MFHAS1: variants seen among roughly 807,000 people sequenced by gnomAD.
The protein encoded by MFHAS1 is multifunctional ROCO family signaling regulator 1, also known as malignant fibrous histiocytoma-amplified sequence 1.
A neutral mutation model predicts 70.4 loss-of-function variants in MFHAS1; 50 were observed. The ratio of observed to expected loss-of-function variants is 0.71; its 90% CI spans 0.57 to 0.90. The LOEUF is 0.90. Among genes scored for constraint, MFHAS1 ranks in the 40% least tolerant of loss-of-function variants. The pLI is 0.00. For missense variants in MFHAS1, 1,795 were observed against 1,347.6 expected (o/e 1.33, Z -5.20); for synonymous variants, 952 against 620.0 (o/e 1.54, Z -7.96).
In MFHAS1 at chr8:8,785,991, T is replaced by C. The variant is rs779757043; in HGVS notation, c.*31A>G. The C allele has an allele frequency of 1.9e-6, 3 of 1,613,216 alleles. No individual in the cohort carries two copies. Among genetic ancestry groups the C allele is most frequent in the East Asian group, 4.5e-5 (2 of 44,888 alleles). ...TGGTCCAGGTGTTCAGATGCTCTCT[T>C]TTCTCCATGGAAATTCCACAGCCAC... On this transcript the variant is annotated 3_prime_UTR_variant, in exon 3 of 3. Coordinates refer to ENST00000276282, the MANE Select transcript of MFHAS1 (RefSeq NM_004225.3).
intron 1 of MFHAS1, among the ~76,000 whole-genome samples, chr8:8,879,650 C>G (rs1454246365): frequency 1.3e-5 from 2 of 152,128 alleles, no homozygotes; most frequent in Non-Finnish European, 2.9e-5. Flanking sequence ...AGGGTTCCCC[C>G]CAAAGTAACA....
intron 1 of MFHAS1, among the ~76,000 whole-genome samples, chr8:8,839,476 G>A (rs766402309): frequency 6.6e-6 from 1 of 152,152 alleles, no homozygotes; most frequent in Non-Finnish European, 1.5e-5. Context: ...CACTAGGCTG[G>A]AAATGAGATA....
At chr8:8,883,433 C>A (rs896798606) in intron 1 of MFHAS1, among the ~76,000 whole-genome samples, 1 of 149,034 alleles carries the variant, frequency 6.7e-6, no homozygotes, top group South Asian at 2.1e-4. Context: ...ATGGGCCAGG[C>A]GCAGTGGCTC....
intron 1 of MFHAS1, among the ~76,000 whole-genome samples, chr8:8,846,760 G>C (rs1276671370): frequency 2.6e-5 from 4 of 151,956 alleles, no homozygotes; most frequent in African/African-American, 9.7e-5. Flanking sequence ...CTTCATTCAA[G>C]GTTCTGCTGA....
At chr8:8,795,958 A>C (rs1158958734) in intron 2 of MFHAS1, among the ~76,000 whole-genome samples, 2 of 152,326 alleles carry the variant, frequency 1.3e-5, no homozygotes, top group East Asian at 3.9e-4. Context: ...TATGCTGGAG[A>C]AATCATGGTG....
At chr8:8,868,342 T>C (rs1350734618) in intron 1 of MFHAS1, among the ~76,000 whole-genome samples, 4 of 151,124 alleles carry the variant, frequency 2.6e-5, no homozygotes, top group African/African-American at 9.8e-5. Context: ...AAGTTAATGA[T>C]TATTCTTGCA....
intron 2 of MFHAS1, among the ~76,000 whole-genome samples, chr8:8,793,564 A>T (rs1268158772): frequency 6.6e-6 from 1 of 152,226 alleles, no homozygotes; most frequent in Admixed American, 6.5e-5. Context: ...TCCCAACATG[A>T]CTGACAGCCG....
chr8:8,868,577 T>A (rs189033670), intron 1 of MFHAS1, among the ~76,000 whole-genome samples: 2 of 152,078 alleles, frequency 1.3e-5, no homozygotes, highest in African/African-American at 4.8e-5. Flanking sequence ...ACTCGGATCT[T>A]TGCCTTGGAT....
At chr8:8,788,378 T>C (rs1805621469) in intron 2 of MFHAS1, among the ~76,000 whole-genome samples, 1 of 152,110 alleles carries the variant, frequency 6.6e-6, no homozygotes, top group Non-Finnish European at 1.5e-5. Flanking sequence ...AAAAGAGGTA[T>C]ATAAAAAGTA....
chr8:8,865,627 C>T (rs1808828015), intron 1 of MFHAS1, among the ~76,000 whole-genome samples: 1 of 152,166 alleles, frequency 6.6e-6, no homozygotes, highest in Non-Finnish European at 1.5e-5. Context: ...CTGTTAAGTA[C>T]AATTGTATAT....
At chr8:8,800,780 T>C (rs1254222134) in intron 1 of MFHAS1, among the ~76,000 whole-genome samples, 2 of 152,166 alleles carry the variant, frequency 1.3e-5, no homozygotes, top group Non-Finnish European at 2.9e-5. Context: ...TCCACCTGCT[T>C]TTATCTGCCT....
At position 8,891,981 on chromosome 8, in the gene MFHAS1, G is replaced by A. The variant is rs762195650; in HGVS notation, c.1078C>T (p.His360Tyr). The A allele has an allele frequency of 1.4e-5, 23 of 1,613,074 alleles. No individual in the cohort carries two copies. The highest frequency in any genetic ancestry group is 1.9e-5 in the Non-Finnish European group (22 of 1,179,742). ...CCCACCCGGGAGAGCTGGCCAAAGT[G>A]GTCGGGCAGCACCGCGATCTGGTTC... is the stretch of plus-strand genomic sequence containing the variant. ...QGNQIAVLPD[H>Y]FGQLSRVGLW... The change falls in exon 1 of 3, where the codon CAC becomes TAC. Residue 360 changes from histidine (H) to tyrosine (Y), a missense_variant. Coordinates refer to ENST00000276282, the MANE Select transcript of MFHAS1 (RefSeq NM_004225.3). This position sits in a 1 kb window ranked among gnomAD's most constrained non-coding sequence, Gnocchi z 5.4.
At chr8:8,806,561 C>G (rs1464482146) in intron 1 of MFHAS1, among the ~76,000 whole-genome samples, 1 of 152,292 alleles carries the variant, frequency 6.6e-6, no homozygotes, top group Non-Finnish European at 1.5e-5. Context: ...TTCTCAGCAT[C>G]TTCATCAGTC....
intron 1 of MFHAS1, among the ~76,000 whole-genome samples, chr8:8,834,338 C>A (rs1200372788): frequency 1.3e-5 from 2 of 152,120 alleles, no homozygotes; most frequent in Non-Finnish European, 2.9e-5. Context: ...TTTATAAAGC[C>A]TACAGTAATG....
At chr8:8,801,517 G>A (rs1585022636) in intron 1 of MFHAS1, among the ~76,000 whole-genome samples, 1 of 152,286 alleles carries the variant, frequency 6.6e-6, no homozygotes, top group Non-Finnish European at 1.5e-5. Context: ...GTATCCTCAG[G>A]ATTTAAGAAA....
In MFHAS1 at chr8:8,893,043, T is replaced by A; in HGVS notation, c.16A>T (p.Ser6Cys). The A allele has an allele frequency of 1.3e-6, 2 of 1,515,110 alleles. No homozygotes were observed. Among genetic ancestry groups the A allele is most frequent in the East Asian group, 2.7e-5 (1 of 36,802 alleles). The allele number at this position is 1,515,110 out of a possible 1,614,324, so 93.9% of individuals were successfully genotyped here. A position where few individuals can be genotyped will look rare whatever the true frequency, so the allele number is the denominator to read the frequency against. MAGMD[S>C]GNLKTARLWR... ...AGCCTCGCGGTCTTCAGGTTGCCAC[T>A]GTCCATCCCAGCCATGGCGGGGCCC... Residue 6 changes from serine (S) to cysteine (C), a missense_variant, in exon 1 of 3, where the codon AGT (serine) becomes TGT (cysteine). By Grantham distance (112) the Ser-to-Cys change is moderately radical (BLOSUM62 -1). Transcript: ENST00000276282.
chr8:8,803,046 T>C (rs1265283478), intron 1 of MFHAS1, among the ~76,000 whole-genome samples: 1 of 152,192 alleles, frequency 6.6e-6, no homozygotes, highest in Admixed American at 6.5e-5. Context: ...AAGCCACATA[T>C]ACTCTTAAGG....
At chr8:8,889,791 A>C (rs938415469) in intron 1 of MFHAS1, among the ~76,000 whole-genome samples, 1 of 152,216 alleles carries the variant, frequency 6.6e-6, no homozygotes, top group Non-Finnish European at 1.5e-5. Context: ...CTACATCGAC[A>C]AGAGGGGAAA....
chr8:8,797,872 A>T (rs545436936), intron 1 of MFHAS1, among the ~76,000 whole-genome samples: 1 of 152,330 alleles, frequency 6.6e-6, no homozygotes, highest in South Asian at 2.1e-4. Context: ...GGAGGTGTTC[A>T]TAATTAGGAT....
Sources: allele counts gnomAD v4.1 joint callset (sites outside exome capture counted in the v4.1 genomes callset), GRCh38; gene constraint gnomAD v4.1.1; non-coding constraint Gnocchi (gnomAD v3.1); transcripts MANE v1.5; gene names NCBI Gene and HGNC (gene_info 2026-07-23, HGNC 2026-07-21).